GADL1: variants seen among roughly 807,000 people sequenced by gnomAD.
GADL1 encodes the protein GAD like acidic amino acid decarboxylase 1.
Under a neutral mutation model 69.5 loss-of-function variants are expected in GADL1, and 71 were observed. That is an observed-to-expected ratio of 1.02 (90% confidence interval 0.84 to 1.25). The LOEUF is 1.25. Among genes scored for constraint, GADL1 ranks in the 50% most tolerant of loss-of-function variants. The pLI is 0.00. For synonymous variants in GADL1, 254 were observed against 214.4 expected, an observed-to-expected ratio of 1.18 and a Z score of -1.62; for missense variants, 737 against 631.8, an observed-to-expected ratio of 1.17 and a Z score of -1.79.
rs183384664 is a variant in GADL1, at chr3:30,814,804, A to G, written c.1051-13716T>C. On this transcript the variant is annotated intron_variant, in intron 11 of 14. Transcript: ENST00000282538. ...GATAGTGAAATCCTGCCTCTACTAA[A>G]AATATAAAAATTAGCTGGGCATGGT... Among the ~76,000 whole-genome samples the G allele has an allele frequency of 4.6e-5, 7 of 152,240 alleles. No individual in the cohort carries two copies. The East Asian group carries it at 1.4e-3, about 29-fold the overall frequency.
intron 1 of GADL1, among the ~76,000 whole-genome samples, chr3:30,865,440 T>G (rs1494729): frequency 0.17 from 25,487 of 151,898 alleles, 2,164 homozygotes; most frequent in African/African-American, 0.21. Context: ...ATGAACATTT[T>G]TTGACTATTA....
intron 14 of GADL1, among the ~76,000 whole-genome samples, chr3:30,766,938 G>C (rs947547053): frequency 2.0e-5 from 3 of 152,160 alleles, no homozygotes; most frequent in Non-Finnish European, 4.4e-5. Context: ...AAACAAAAAG[G>C]CATGGAGAAG....
intron 1 of GADL1, among the ~76,000 whole-genome samples, chr3:30,870,214 T>C (rs1176585247): frequency 6.6e-6 from 1 of 151,968 alleles, no homozygotes; most frequent in Admixed American, 6.6e-5. Context: ...AGGAAATACC[T>C]GAATGACTTC....
At chr3:30,846,068 A>C (rs986379208) in intron 6 of GADL1, among the ~76,000 whole-genome samples, 10 of 147,296 alleles carry the variant, frequency 6.8e-5, no homozygotes, top group South Asian at 2.2e-4. Context: ...AAAAAAAAAA[A>C]CAAAAAACTG....
In GADL1 at chr3:30,778,163, TTTAC is replaced by T; in HGVS notation, c.1392+12_1392+15del. The T allele has an allele frequency of 6.9e-7, 1 of 1,439,516 alleles. No individual in the cohort carries two copies. The highest frequency in any genetic ancestry group is 9.8e-7 in the Non-Finnish European group (1 of 1,021,752). 89.2% of individuals were successfully genotyped at this position (1,439,516 alleles called of 1,614,324 possible). On this transcript the variant is annotated intron_variant, in intron 14 of 14. Transcript: ENST00000282538. ...TACTTCATCAAAAAGAAAAATACCATTTACTTATTACTTACCAAATTAAGTTTTG... is the reference window on the plus strand; with the variant it reads ...TACTTCATCAAAAAGAAAAATACCATTTATTACTTACCAAATTAAGTTTTG...
At chr3:30,843,300 G>C (rs1461377848) in intron 8 of GADL1, among the ~76,000 whole-genome samples, 1 of 146,608 alleles carries the variant, frequency 6.8e-6, no homozygotes, top group Non-Finnish European at 1.5e-5. Flanking sequence ...CTGTCTCTCA[G>C]GCTGGAGTGC....
At chr3:30,860,198 A>G (rs920336531) in intron 2 of GADL1, among the ~76,000 whole-genome samples, 1 of 151,724 alleles carries the variant, frequency 6.6e-6, no homozygotes, top group African/African-American at 2.4e-5. Flanking sequence ...AATCCCAAAA[A>G]TCTGTTCCAG....
intron 12 of GADL1, among the ~76,000 whole-genome samples, chr3:30,793,047 T>G (rs903822688): frequency 1.3e-5 from 2 of 152,272 alleles, no homozygotes; most frequent in South Asian, 2.1e-4. Flanking sequence ...CTCAAAGTTT[T>G]AAATATCCTA....
intron 11 of GADL1, among the ~76,000 whole-genome samples, chr3:30,801,384 G>A (rs549837310): frequency 2.0e-4 from 30 of 152,104 alleles, no homozygotes; most frequent in African/African-American, 6.7e-4. Flanking sequence ...AGGTGGCCCA[G>A]TTTTTCAGTG....
In GADL1 at chr3:30,843,059, T is replaced by C. The variant is rs376029431; in HGVS notation, c.786+1151A>G. On this transcript the variant is annotated intron_variant, in intron 8 of 14. Coordinates refer to ENST00000282538, the MANE Select transcript of GADL1 (RefSeq NM_207359.3). ...AAGTATGAACTCCTATGAGGATAGATACACTTGTATCCCAGCTCAGGAGCC... is the reference window on the plus strand; with the variant it reads ...AAGTATGAACTCCTATGAGGATAGACACACTTGTATCCCAGCTCAGGAGCC... 2.9e-4 allele frequency among the ~76,000 whole-genome samples: 44 copies of C among 152,188 alleles called. 1 individual carries two copies. The highest frequency in any genetic ancestry group is 1.0e-3 in the African/African-American group (42 of 41,528).
intron 6 of GADL1, among the ~76,000 whole-genome samples, chr3:30,847,515 T>G (rs1349422946): frequency 6.6e-6 from 1 of 152,106 alleles, no homozygotes; most frequent in African/African-American, 2.4e-5. Context: ...TTTAATGAAA[T>G]AGATGGATTT....
chr3:30,768,252 G>A (rs1274657823), intron 14 of GADL1, among the ~76,000 whole-genome samples: 1 of 152,152 alleles, frequency 6.6e-6, no homozygotes, highest in Non-Finnish European at 1.5e-5. Context: ...GTGAGCAAAA[G>A]ATGTTCATCT....
At chr3:30,782,439 G>A (rs922530098) in intron 13 of GADL1, among the ~76,000 whole-genome samples, 1 of 152,094 alleles carries the variant, frequency 6.6e-6, no homozygotes, top group African/African-American at 2.4e-5. Context: ...AAAACATCAA[G>A]ATTTTTGGTT....
intron 14 of GADL1, among the ~76,000 whole-genome samples, chr3:30,765,386 G>A (rs978673626): frequency 1.3e-5 from 2 of 152,214 alleles, no homozygotes; most frequent in East Asian, 3.8e-4. Flanking sequence ...AACAAACCAT[G>A]ATGTCTTCAG....
At chr3:30,868,607 G>C (rs1698437318) in intron 1 of GADL1, among the ~76,000 whole-genome samples, 1 of 151,904 alleles carries the variant, frequency 6.6e-6, no homozygotes. Context: ...ACTAAACAAA[G>C]TGCCAGGGAC....
chr3:30,740,555 C>T (rs998594029), intron 14 of GADL1, among the ~76,000 whole-genome samples: 9 of 152,078 alleles, frequency 5.9e-5, no homozygotes, highest in African/African-American at 2.2e-4. Flanking sequence ...TGAACCTCTA[C>T]GTACGTCCTA....
intron 13 of GADL1, among the ~76,000 whole-genome samples, chr3:30,784,374 G>A (rs561666745): frequency 5.0e-4 from 74 of 147,194 alleles, no homozygotes; most frequent in African/African-American, 1.8e-3. Context: ...TCACATCACC[G>A]GCCTGTTGAA....
intron 12 of GADL1, among the ~76,000 whole-genome samples, chr3:30,797,426 CTT>C (rs2125504995): frequency 6.6e-6 from 1 of 152,238 alleles, no homozygotes; most frequent in South Asian, 2.1e-4. Context: ...ATAACTAAAA[CTT>C]AAATAGCATG....
intron 12 of GADL1, among the ~76,000 whole-genome samples, chr3:30,794,061 T>C (rs1175295744): frequency 1.3e-5 from 2 of 152,212 alleles, no homozygotes; most frequent in Non-Finnish European, 2.9e-5. Context: ...CAAAGACTGT[T>C]CCCTAGTCTT....
Sources: allele counts gnomAD v4.1 joint callset (sites outside exome capture counted in the v4.1 genomes callset), GRCh38; gene constraint gnomAD v4.1.1; transcripts MANE v1.5; gene names NCBI Gene and HGNC (gene_info 2026-07-23, HGNC 2026-07-21).